PAFAH1B1: variants seen among roughly 807,000 people sequenced by gnomAD.
PAFAH1B1 encodes platelet-activating factor acetylhydrolase IB subunit beta.
PAFAH1B1 carries 2 observed loss-of-function variants against 57.5 expected under a neutral mutation model. That is an observed-to-expected ratio of 0.03 (90% confidence interval 0.01 to 0.11). The LOEUF (loss-of-function observed/expected upper bound fraction) is 0.11, where lower values mean the gene tolerates loss of function less well. PAFAH1B1 is among the 10% of genes least tolerant of loss of function. The pLI is 1.00. For missense variants in PAFAH1B1, 257 were observed against 512.0 expected (o/e 0.50, Z 4.81); for synonymous variants, 152 against 169.6 (o/e 0.90, Z 0.81).
chr17:2,629,993 CTCCTGAACAGGAGGCTGCAGATGGTTGG>C (rs1242687389), intron 1 of PAFAH1B1, among the ~76,000 whole-genome samples: 1 of 152,164 alleles, frequency 6.6e-6, no homozygotes, highest in African/African-American at 2.4e-5. Flanking sequence ...TTAGGTGAGT[CTCCTGAACAGGAGGCTGCAGATGGTTGG>C]TGAGTTCTTA....
chr17:2,665,804 G>A (rs913144548), intron 3 of PAFAH1B1, among the ~76,000 whole-genome samples: 2 of 152,082 alleles, frequency 1.3e-5, no homozygotes, highest in African/African-American at 4.8e-5. Flanking sequence ...GTCTCGCCAT[G>A]TTGGCCAGGC....
intron 1 of PAFAH1B1, among the ~76,000 whole-genome samples, chr17:2,603,741 C>CTTT (rs540782310): frequency 2.1e-5 from 3 of 144,364 alleles, no homozygotes; most frequent in Non-Finnish European, 4.6e-5. Context: ...TCTCCAGATT[C>CTTT]TTTTTTTTTT....
At chr17:2,672,634 T>TA (rs755291928) in intron 6 of PAFAH1B1, 21 bp from the exon 7 acceptor site, 1 of 1,456,928 alleles carries the variant, frequency 6.9e-7, no homozygotes, top group Non-Finnish European at 9.6e-7. Context: ...CTTCATAATA[T>TA]ATTGCTGTTA....
At chr17:2,674,723 T>C (rs6502457) in intron 8 of PAFAH1B1, among the ~76,000 whole-genome samples, 151,386 of 152,364 alleles carry the variant, frequency 0.99, 75,218 homozygotes, top group East Asian at 1. Flanking sequence ...ATAAATGTTT[T>C]TTTAAATGAA....
At chr17:2,601,551 C>T (rs879570586) in intron 1 of PAFAH1B1, among the ~76,000 whole-genome samples, 5 of 152,318 alleles carry the variant, frequency 3.3e-5, no homozygotes, top group East Asian at 1.9e-4. Flanking sequence ...AAGCAATTCT[C>T]CTGCCTCAGC....
intron 2 of PAFAH1B1, among the ~76,000 whole-genome samples, chr17:2,664,012 C>T (rs2069058832): frequency 6.6e-6 from 1 of 151,654 alleles, no homozygotes; most frequent in African/African-American, 2.4e-5. Flanking sequence ...GAACTTCTGA[C>T]CTTGTGATTT....
At chr17:2,661,359 C>T (rs1223679364) in intron 2 of PAFAH1B1, among the ~76,000 whole-genome samples, 1 of 152,116 alleles carries the variant, frequency 6.6e-6, no homozygotes, top group East Asian at 1.9e-4. Flanking sequence ...GGAAGGGGTC[C>T]AGTTTCAGTT....
At chr17:2,610,419 A>G (rs1189335423) in intron 1 of PAFAH1B1, among the ~76,000 whole-genome samples, 1 of 152,210 alleles carries the variant, frequency 6.6e-6, no homozygotes, top group Non-Finnish European at 1.5e-5. Context: ...CTTTCTAGGA[A>G]CCAGCAGGAG....
chr17:2,675,116 C>G (rs1267061531), intron 8 of PAFAH1B1, among the ~76,000 whole-genome samples: 1 of 152,230 alleles, frequency 6.6e-6, no homozygotes, highest in Non-Finnish European at 1.5e-5. Context: ...ATTCTCCTGC[C>G]TCAGCCTCCT....
intron 2 of PAFAH1B1, among the ~76,000 whole-genome samples, chr17:2,647,597 AAAT>A (rs1391327427): frequency 1.3e-5 from 2 of 152,170 alleles, no homozygotes; most frequent in Non-Finnish European, 2.9e-5. Context: ...TAAACATACT[AAAT>A]AATATAATAG....
intron 2 of PAFAH1B1, among the ~76,000 whole-genome samples, chr17:2,648,002 AAAAT>A (rs566292815): frequency 3.4e-4 from 51 of 152,038 alleles, no homozygotes; most frequent in African/African-American, 6.7e-4. Context: ...AGACTCTCTC[AAAAT>A]AAATAAATAA....
At chr17:2,624,669 G>A (rs1224918739) in intron 1 of PAFAH1B1, among the ~76,000 whole-genome samples, 1 of 152,178 alleles carries the variant, frequency 6.6e-6, no homozygotes, top group Non-Finnish European at 1.5e-5. Flanking sequence ...CGTAACACAT[G>A]GGAATTCTGG....
intron 1 of PAFAH1B1, among the ~76,000 whole-genome samples, chr17:2,626,369 T>C (rs2068490317): frequency 6.6e-6 from 1 of 152,166 alleles, no homozygotes; most frequent in South Asian, 2.1e-4. Context: ...AACTCAATCA[T>C]ATACTTGTGC....
chr17:2,683,940 A>G lies in PAFAH1B1; in HGVS notation c.*2138A>G, dbSNP rs1489158024. On this transcript the variant is annotated 3_prime_UTR_variant, in exon 11 of 11. Transcript: ENST00000397195. ...ATGAATTGTTTAAGGGTAAGCCACA[A>G]CATCTAGAAATCACTCATAGATATT... 6.6e-6 allele frequency: 1 copy of G among 152,664 alleles called. No individual in the cohort carries two copies. Among genetic ancestry groups the G allele is most frequent in the South Asian group, 2.1e-4 (1 of 4,834 alleles). 9.5% of individuals were successfully genotyped at this position (152,664 alleles called of 1,614,324 possible).
At chr17:2,676,358 ACAGAGC>A in intron 8 of PAFAH1B1, 141 bp from the exon 9 acceptor site, 1 of 631,504 alleles carries the variant, frequency 1.6e-6, no homozygotes, top group South Asian at 1.7e-5. Flanking sequence ...AGCCTGGGTG[ACAGAGC>A]CAGACTCCGT....
At chr17:2,598,077 T>C (rs1482042883) in intron 1 of PAFAH1B1, among the ~76,000 whole-genome samples, 1 of 151,692 alleles carries the variant, frequency 6.6e-6, no homozygotes, top group African/African-American at 2.4e-5. Flanking sequence ...TGAAACCCCG[T>C]CTCTACTAAA....
intron 1 of PAFAH1B1, among the ~76,000 whole-genome samples, chr17:2,617,360 G>T (rs2068357923): frequency 6.6e-6 from 1 of 152,060 alleles, no homozygotes; most frequent in Admixed American, 6.6e-5. Context: ...ATTTTGGATG[G>T]GTAACTTAAA....
At chr17:2,675,256 G>A (rs4790352) in intron 8 of PAFAH1B1, among the ~76,000 whole-genome samples, 121,280 of 152,034 alleles carry the variant, frequency 0.8, 51,315 homozygotes, top group East Asian at 0.93. Flanking sequence ...GACCACCTCA[G>A]CTTCCCAAAG....
At chr17:2,613,591 C>T (rs1045236812) in intron 1 of PAFAH1B1, 3 of 284,576 alleles carry the variant, frequency 1.1e-5, no homozygotes, top group African/African-American at 2.2e-5. Flanking sequence ...GGTGCTCCCC[C>T]GTCAGCAGTG....
Sources: allele counts gnomAD v4.1 joint callset (sites outside exome capture counted in the v4.1 genomes callset), GRCh38; gene constraint gnomAD v4.1.1; transcripts MANE v1.5; gene names NCBI Gene and HGNC (gene_info 2026-07-23, HGNC 2026-07-21).